RAPGEF6: variants seen among roughly 807,000 people sequenced by gnomAD.
The protein encoded by RAPGEF6 is Rap guanine nucleotide exchange factor 6, also known as PDZ domain containing guanine nucleotide exchange factor (GEF) 2.
RAPGEF6 carries 56 observed loss-of-function variants against 171.4 expected under a neutral mutation model. The observed-to-expected ratio is 0.33, with a 90% confidence interval of 0.26 to 0.41. The LOEUF (loss-of-function observed/expected upper bound fraction) is 0.41. Ranked by LOEUF, RAPGEF6 falls within the 10% of genes least tolerant of loss-of-function variation. The pLI, the probability that RAPGEF6 is intolerant of heterozygous loss-of-function variation, is 1.00. For missense variants in RAPGEF6, 1,674 were observed against 1,921.4 expected (o/e 0.87, Z 2.41); for synonymous variants, 692 against 650.1 (o/e 1.06, Z -0.98).
At chr5:131,548,782 T>A (rs1023480575) in intron 5 of RAPGEF6, among the ~76,000 whole-genome samples, 8 of 152,224 alleles carry the variant, frequency 5.3e-5, no homozygotes, top group Admixed American at 2.6e-4. Flanking sequence ...CAGGTATTAC[T>A]GTCTCTACTT....
chr5:131,504,555 G>T, intron 11 of RAPGEF6, 71 bp downstream of exon 11: 1 of 1,423,174 alleles, frequency 7.0e-7, no homozygotes, highest in South Asian at 1.4e-5. Flanking sequence ...TTAAAAAATG[G>T]TTTAAAACAA....
At chr5:131,521,891 ACT>A (rs144983094) in intron 6 of RAPGEF6, among the ~76,000 whole-genome samples, 12,390 of 122,246 alleles carry the variant, frequency 0.1, 706 homozygotes, top group Middle Eastern at 0.15. Flanking sequence ...ACACACACAC[ACT>A]CTCTCTCTCT....
intron 1 of RAPGEF6, among the ~76,000 whole-genome samples, chr5:131,605,827 A>G (rs1171345602): frequency 2.0e-5 from 3 of 152,072 alleles, no homozygotes; most frequent in Admixed American, 2.0e-4. Flanking sequence ...TCAGGAGATC[A>G]AGACCAACCT....
intron 3 of RAPGEF6, among the ~76,000 whole-genome samples, chr5:131,594,896 T>C (rs1258978685): frequency 9.9e-6 from 1 of 101,194 alleles, no homozygotes; most frequent in African/African-American, 4.2e-5. Flanking sequence ...TGTATCTCCA[T>C]TGTATTTTGG....
chr5:131,459,171 TG>T (rs1753726733), intron 19 of RAPGEF6, among the ~76,000 whole-genome samples: 1 of 152,016 alleles, frequency 6.6e-6, no homozygotes. Context: ...AACCCAAATA[TG>T]TGTTAGATTT....
intron 11 of RAPGEF6, among the ~76,000 whole-genome samples, chr5:131,502,371 C>G (rs553607803): frequency 6.6e-6 from 1 of 152,354 alleles, no homozygotes; most frequent in East Asian, 1.9e-4. Context: ...ACTGTCAGAA[C>G]ATCTCTCCAC....
At chr5:131,590,868 T>A (rs1763546953) in intron 4 of RAPGEF6, among the ~76,000 whole-genome samples, 1 of 152,134 alleles carries the variant, frequency 6.6e-6, no homozygotes, top group Non-Finnish European at 1.5e-5. Context: ...ATACTAATAA[T>A]CTTAAAATAT....
At chr5:131,608,737 T>TC (rs1338836538) in intron 1 of RAPGEF6, among the ~76,000 whole-genome samples, 3 of 151,890 alleles carry the variant, frequency 2.0e-5, no homozygotes, top group South Asian at 2.1e-4. Flanking sequence ...ACCAATTGGT[T>TC]CCCCCGAGAG....
At chr5:131,562,318 T>A (rs1241255024) in intron 4 of RAPGEF6, among the ~76,000 whole-genome samples, 1 of 152,144 alleles carries the variant, frequency 6.6e-6, no homozygotes, top group African/African-American at 2.4e-5. Context: ...TTATAAAAGA[T>A]AACTGTCTAA....
At chr5:131,485,538 ATCTCTG>A (rs1358590599) in intron 15 of RAPGEF6, among the ~76,000 whole-genome samples, 7 of 152,284 alleles carry the variant, frequency 4.6e-5, no homozygotes, top group Middle Eastern at 6.8e-3. Flanking sequence ...CTTCTCCTGG[ATCTCTG>A]TCTGTACCAC....
chr5:131,577,689 G>T (rs575035418), intron 4 of RAPGEF6, among the ~76,000 whole-genome samples: 1 of 152,038 alleles, frequency 6.6e-6, no homozygotes, highest in Non-Finnish European at 1.5e-5. Context: ...CCTAACTGCC[G>T]TCCGCCTGCA....
chr5:131,467,421 G>A (rs892637650), intron 17 of RAPGEF6, among the ~76,000 whole-genome samples: 1 of 152,196 alleles, frequency 6.6e-6, no homozygotes, highest in African/African-American at 2.4e-5. Context: ...AAGCAATGGA[G>A]AGCCATCAGA....
At chr5:131,542,364 A>G (rs1760208320) in intron 6 of RAPGEF6, among the ~76,000 whole-genome samples, 1 of 152,106 alleles carries the variant, frequency 6.6e-6, no homozygotes, top group Admixed American at 6.6e-5. Context: ...CCTTTTTTAT[A>G]TATTATCTCA....
At chr5:131,491,430 A>G (rs1756274674) in intron 14 of RAPGEF6, among the ~76,000 whole-genome samples, 1 of 152,210 alleles carries the variant, frequency 6.6e-6, no homozygotes. Context: ...TGAAAGAACA[A>G]AATTTTAAAT....
chr5:131,532,973 C>T (rs1339173857), intron 6 of RAPGEF6: 1 of 152,582 alleles, frequency 6.6e-6, no homozygotes, highest in South Asian at 2.1e-4. Flanking sequence ...TGTTTCAAAG[C>T]AGCTCCCTAA....
rs368884852 is a variant in RAPGEF6, at chr5:131,592,379, G to A, written c.281+4C>T. ...TGCCTGCCATATAGCAAATGTAAAC[G>A]TACCTGCAAGGAGGCAAGACCATGG... On this transcript the variant is annotated splice_donor_region_variant and intron_variant, in intron 4 of 27. Coordinates refer to ENST00000509018, the MANE Select transcript of RAPGEF6 (RefSeq NM_016340.6). 23 of 1,613,342 alleles carry A rather than the reference G, an allele frequency of 1.4e-5. No homozygotes were observed. The highest frequency in any genetic ancestry group is 3.3e-5 in the Admixed American group (2 of 59,970).
At chr5:131,540,451 A>C (rs1760059633) in intron 6 of RAPGEF6, among the ~76,000 whole-genome samples, 1 of 152,148 alleles carries the variant, frequency 6.6e-6, no homozygotes, top group Non-Finnish European at 1.5e-5. Flanking sequence ...CTGTAGTCCT[A>C]GCTACTCAGG....
Position 131,510,400 on chromosome 5 carries a change from A to G in RAPGEF6, c.719T>C (p.Ile240Thr), listed in dbSNP as rs746086222. 3.3e-5 allele frequency: 53 copies of G among 1,614,010 alleles called. No homozygotes were observed. The South Asian group carries it at 5.8e-4, about 18-fold the overall frequency. ...SEDDEEEDEE[I>T]DRTDPLQGRD... is the part of the protein sequence containing the mutation. ...CCCCTGCAATGGATCTGTTCGATCA[A>G]TCTCTTCATCTTCCTCTTCGTCATC... The change falls in exon 8 of 28, where the codon ATT (isoleucine) becomes ACT (threonine). Residue 240 changes from isoleucine (I) to threonine (T), a missense_variant. Around this residue, in one of 3 missense-constraint regions of RAPGEF6, gnomAD observed 1,116 missense variants for 1,321.5 expected, o/e 0.84. Transcript: ENST00000509018.
At chr5:131,559,617 G>C (rs1462312665) in intron 5 of RAPGEF6, among the ~76,000 whole-genome samples, 1 of 152,030 alleles carries the variant, frequency 6.6e-6, no homozygotes, top group Non-Finnish European at 1.5e-5. Flanking sequence ...GAGGTCAAGA[G>C]TTCGAGATCA....
Sources: gnomAD v4.1 joint callset for allele counts (sites outside exome capture counted in the v4.1 genomes callset) on GRCh38, gnomAD v4.1.1 for gene constraint, gnomAD v4.1.1 regional missense constraint, MANE v1.5 for transcripts, NCBI Gene and HGNC (gene_info 2026-07-23, HGNC 2026-07-21) for gene names.